Variants in DDR2 observed in about 807,000 individuals in gnomAD.
DDR2 encodes discoidin domain receptor tyrosine kinase 2, also known as discoidin domain-containing receptor 2.
A neutral mutation model predicts 94.9 loss-of-function variants in DDR2; 27 were observed. That is an observed-to-expected ratio of 0.28 (90% CI 0.21 to 0.39). The LOEUF (loss-of-function observed/expected upper bound fraction) is 0.39. Ranked by LOEUF, DDR2 falls within the 10% of genes least tolerant of loss-of-function variation. DDR2 has a pLI of 1.00. For synonymous variants in DDR2, 382 were observed against 377.2 expected, an observed-to-expected ratio of 1.01 and a Z score of -0.15; for missense variants, 783 against 1,076.0, an observed-to-expected ratio of 0.73 and a Z score of 3.81.
intron 2 of DDR2, among the ~76,000 whole-genome samples, chr1:162,694,838 T>C (rs1297293758): frequency 6.6e-6 from 1 of 152,248 alleles, no homozygotes; most frequent in Non-Finnish European, 1.5e-5. Flanking sequence ...GCTTTGTGTT[T>C]GAGTTTTGTT....
In DDR2 at chr1:162,709,607, A is replaced by G. The variant is rs140636081; in HGVS notation, c.-27-9430A>G. ...GTTGCTTCCAAAAGCCTCTGACCAC[A>G]GTCCCTCAGGCTGACCCTCTTGTGC... On this transcript the variant is annotated intron_variant, in intron 2 of 17. Coordinates refer to ENST00000367921, the MANE Select transcript of DDR2 (RefSeq NM_006182.4). 4.9e-3 allele frequency among the ~76,000 whole-genome samples: 750 copies of G among 152,344 alleles called. 6 individuals are homozygous for G. The highest frequency in any genetic ancestry group is 0.024 in the Middle Eastern group (7 of 294).
intron 2 of DDR2, among the ~76,000 whole-genome samples, chr1:162,706,232 A>G (rs1382589946): frequency 1.3e-5 from 2 of 152,208 alleles, no homozygotes; most frequent in Admixed American, 6.5e-5. Context: ...CCATCCACTC[A>G]TCTACCCAGC....
rs1381810557 is a variant in DDR2 at position 162,787,160 on chromosome 1, G to A, written c.*6914G>A. 1 of 152,104 alleles carries A rather than the reference G, an allele frequency of 6.6e-6. No homozygotes were observed. Among genetic ancestry groups the A allele is most frequent in the Non-Finnish European group, 1.5e-5 (1 of 68,028 alleles). 9.4% of individuals were successfully genotyped at this position (152,104 alleles called of 1,614,324 possible). Reference sequence around the variant, plus strand: ...GAGCACATTTTTCAGCATGGGGTATGGTAGATAAATCACAGGGCCAAGGTT... The same window carrying A: ...GAGCACATTTTTCAGCATGGGGTATAGTAGATAAATCACAGGGCCAAGGTT... On this transcript the variant is annotated 3_prime_UTR_variant, in exon 18 of 18. Coordinates refer to ENST00000367921, the MANE Select transcript of DDR2 (RefSeq NM_006182.4).
intron 3 of DDR2, among the ~76,000 whole-genome samples, chr1:162,730,058 C>CCAA (rs1661953788): frequency 3.1e-5 from 2 of 64,184 alleles, no homozygotes; most frequent in African/African-American, 6.1e-5. Context: ...TTTTTTTTTG[C>CCAA]AAAAAAAAAA....
intron 2 of DDR2, among the ~76,000 whole-genome samples, chr1:162,659,627 G>A (rs1246577310): frequency 2.6e-5 from 4 of 152,196 alleles, no homozygotes; most frequent in East Asian, 1.9e-4. Flanking sequence ...GATTCAGCAC[G>A]TGCGTTTTAC....
chr1:162,755,379 GA>G, intron 6 of DDR2, 76 bp downstream of exon 6: 4 of 1,564,442 alleles, frequency 2.6e-6, no homozygotes, highest in Non-Finnish European at 3.5e-6. Context: ...AATCAAATCA[GA>G]AAGGGATGGG....
intron 1 of DDR2, 58 bp downstream of exon 1, chr1:162,632,689 C>A (rs1404143795): frequency 6.6e-6 from 1 of 151,988 alleles, no homozygotes; most frequent in Non-Finnish European, 1.5e-5. Context: ...ATGAAAGCTC[C>A]GCATATACTT....
chr1:162,737,236 C>G (rs1397024346), intron 3 of DDR2, among the ~76,000 whole-genome samples: 1 of 149,110 alleles, frequency 6.7e-6, no homozygotes, highest in East Asian at 2.0e-4. Context: ...TATACATGTG[C>G]CATGCTGGTG....
At chr1:162,716,024 C>T (rs925538520) in intron 2 of DDR2, among the ~76,000 whole-genome samples, 18 of 151,896 alleles carry the variant, frequency 1.2e-4, no homozygotes, top group Admixed American at 7.2e-4. Context: ...ACTTTGTGCA[C>T]GATGTAAAGT....
intron 2 of DDR2, among the ~76,000 whole-genome samples, chr1:162,691,036 G>A (rs1295743297): frequency 2.6e-5 from 4 of 152,096 alleles, no homozygotes; most frequent in Non-Finnish European, 5.9e-5. Flanking sequence ...GGGTATAGTC[G>A]TGAGTCACGA....
At chr1:162,776,570 A>C (rs896447205) in intron 16 of DDR2, among the ~76,000 whole-genome samples, 200 bp downstream of exon 16, 1 of 152,194 alleles carries the variant, frequency 6.6e-6, no homozygotes, top group African/African-American at 2.4e-5. Context: ...AACACACATA[A>C]AAATTTAGGG....
intron 1 of DDR2, among the ~76,000 whole-genome samples, chr1:162,639,028 C>T (rs1373856977): frequency 1.3e-5 from 2 of 151,770 alleles, no homozygotes; most frequent in South Asian, 4.2e-4. Context: ...TGCAGTGGCG[C>T]AATCTCGGCT....
At chr1:162,721,474 G>C (rs1661420244) in intron 3 of DDR2, among the ~76,000 whole-genome samples, 1 of 152,184 alleles carries the variant, frequency 6.6e-6, no homozygotes, top group African/African-American at 2.4e-5. Context: ...TCAAACCAGA[G>C]ATGAGTGTTT....
rs138657396 is a variant in DDR2, at chr1:162,688,787, A to G, written c.-27-30250A>G. Among the ~76,000 whole-genome samples the G allele has an allele frequency of 2.3e-3, 346 of 152,318 alleles. 3 individuals carry two copies. Among genetic ancestry groups the G allele is most frequent in the African/African-American group, 7.9e-3 (330 of 41,578 alleles). On this transcript the variant is annotated intron_variant, in intron 2 of 17. Coordinates refer to ENST00000367921, the MANE Select transcript of DDR2 (RefSeq NM_006182.4). ...CCAGGAAACTGTCTGGAGAAGGTCC[A>G]GGAAAGTACCAAGAAGTAAAGAAGT... is the stretch of plus-strand genomic sequence containing the variant.
chr1:162,744,860 A>G (rs1662774413), intron 3 of DDR2, among the ~76,000 whole-genome samples: 1 of 152,226 alleles, frequency 6.6e-6, no homozygotes, highest in Admixed American at 6.5e-5. Flanking sequence ...CCTCTTGGGT[A>G]TATACCAGAA....
At chr1:162,663,390 CT>C (rs1272076222) in intron 2 of DDR2, among the ~76,000 whole-genome samples, 2 of 152,160 alleles carry the variant, frequency 1.3e-5, no homozygotes, top group Admixed American at 6.6e-5. Context: ...ACCTATAGAG[CT>C]TGCTGGAGGG....
intron 3 of DDR2, among the ~76,000 whole-genome samples, chr1:162,747,417 G>T (rs1662932789): frequency 6.6e-6 from 1 of 150,998 alleles, no homozygotes; most frequent in African/African-American, 2.4e-5. Flanking sequence ...AAGTTCAAGT[G>T]AATGAAATGA....
intron 1 of DDR2, among the ~76,000 whole-genome samples, chr1:162,645,621 T>A (rs1011087265): frequency 5.3e-5 from 8 of 152,340 alleles, no homozygotes; most frequent in Middle Eastern, 3.4e-3. Context: ...AAATCTGTTA[T>A]TTAAATGTAT....
intron 3 of DDR2, among the ~76,000 whole-genome samples, chr1:162,731,134 A>T (rs1406229925): frequency 1.3e-5 from 2 of 152,188 alleles, no homozygotes; most frequent in Admixed American, 6.5e-5. Context: ...TAGAGGGAGC[A>T]CTAATTACTG....
Sources: gnomAD v4.1 joint callset for allele counts (sites outside exome capture counted in the v4.1 genomes callset) on GRCh38, gnomAD v4.1.1 for gene constraint, MANE v1.5 for transcripts, NCBI Gene and HGNC (gene_info 2026-07-23, HGNC 2026-07-21) for gene names.